The following TMEM132B variants were observed in gnomAD, a reference collection of about 807,000 sequenced individuals.
TMEM132B encodes the protein transmembrane protein 132B.
A neutral mutation model predicts 90.8 loss-of-function variants in TMEM132B; 18 were observed. The ratio of observed to expected loss-of-function variants is 0.20; its 90% CI spans 0.14 to 0.29. The LOEUF is 0.29. TMEM132B is among the 10% of genes least tolerant of loss of function. TMEM132B has a pLI of 1.00. For missense variants in TMEM132B, 1,096 were observed against 1,326.8 expected (o/e 0.83, Z 2.70); for synonymous variants, 504 against 523.3 (o/e 0.96, Z 0.50).
chr12:125,206,501 G>C (rs1043660533), intron 1 of TMEM132B, among the ~76,000 whole-genome samples: 1 of 152,138 alleles, frequency 6.6e-6, no homozygotes, highest in Non-Finnish European at 1.5e-5. Flanking sequence ...GCCTCCCAAA[G>C]TGTCGGGATT....
chr12:125,519,907 G>A (rs1445644725), intron 4 of TMEM132B, among the ~76,000 whole-genome samples: 1 of 152,136 alleles, frequency 6.6e-6, no homozygotes, highest in Non-Finnish European at 1.5e-5. Flanking sequence ...ACTGAGTGCT[G>A]CGCTGAGTGA....
intron 3 of TMEM132B, among the ~76,000 whole-genome samples, chr12:125,453,633 A>G (rs1416516592): frequency 6.6e-6 from 1 of 152,188 alleles, no homozygotes; most frequent in Non-Finnish European, 1.5e-5. Context: ...TTATTTCCTA[A>G]ATGCCAATTA....
At chr12:125,340,640 G>A (rs1877152212) in intron 1 of TMEM132B, among the ~76,000 whole-genome samples, 1 of 152,178 alleles carries the variant, frequency 6.6e-6, no homozygotes, top group Admixed American at 6.5e-5. Flanking sequence ...GTAATCTCAA[G>A]TGCTCTGCCA....
chr12:125,190,687 T>C (rs1434632576), intron 1 of TMEM132B, among the ~76,000 whole-genome samples: 1 of 4,542 alleles, frequency 2.2e-4, no homozygotes, highest in African/African-American at 1.0e-3. Flanking sequence ...GGGGAAGGGG[T>C]GGTGATGGTG....
At chr12:125,564,674 C>T (rs146420534) in intron 4 of TMEM132B, among the ~76,000 whole-genome samples, 95 of 152,294 alleles carry the variant, frequency 6.2e-4, no homozygotes, top group African/African-American at 2.2e-3. Flanking sequence ...TTTTCCTCCT[C>T]CTAATTCACC....
intron 5 of TMEM132B, among the ~76,000 whole-genome samples, chr12:125,619,862 A>C (rs779579652): frequency 1.3e-5 from 2 of 152,230 alleles, no homozygotes; most frequent in Non-Finnish European, 2.9e-5. Context: ...GTGAAAGGAA[A>C]GGGAGGCTTC....
chr12:125,637,762 T>C (rs1359640717), intron 5 of TMEM132B, among the ~76,000 whole-genome samples: 1 of 151,746 alleles, frequency 6.6e-6, no homozygotes, highest in Non-Finnish European at 1.5e-5. Context: ...ACATAAAGAG[T>C]GCATGTTGTG....
chr12:125,361,755 G>T (rs535672555), intron 2 of TMEM132B, among the ~76,000 whole-genome samples: 17 of 152,342 alleles, frequency 1.1e-4, no homozygotes, highest in African/African-American at 4.1e-4. Flanking sequence ...AGAACATGGT[G>T]CTTACCCCCC....
intron 1 of TMEM132B, among the ~76,000 whole-genome samples, chr12:125,208,592 G>C (rs1873239943): frequency 6.6e-6 from 1 of 152,132 alleles, no homozygotes; most frequent in African/African-American, 2.4e-5. Flanking sequence ...AACATTTCGA[G>C]GTTTATCTCT....
At chr12:125,399,513 G>T (rs1879255755) in intron 2 of TMEM132B, among the ~76,000 whole-genome samples, 1 of 146,240 alleles carries the variant, frequency 6.8e-6, no homozygotes, top group Non-Finnish European at 1.5e-5. Context: ...GTGTGTGTGT[G>T]TGTGTATTGA....
At chr12:125,635,305 C>T (rs945167280) in intron 5 of TMEM132B, among the ~76,000 whole-genome samples, 3 of 152,140 alleles carry the variant, frequency 2.0e-5, no homozygotes, top group Non-Finnish European at 2.9e-5. Context: ...GCCCCCACCC[C>T]CAACAGGCCC....
At chr12:125,452,311 C>T (rs1228890113) in intron 3 of TMEM132B, among the ~76,000 whole-genome samples, 2 of 150,518 alleles carry the variant, frequency 1.3e-5, no homozygotes, top group African/African-American at 2.5e-5. Flanking sequence ...GCAAAAGTCT[C>T]CCAACTTGAT....
At chr12:125,362,691 AC>A (rs1566013802) in intron 2 of TMEM132B, among the ~76,000 whole-genome samples, 1 of 152,206 alleles carries the variant, frequency 6.6e-6, no homozygotes, top group Non-Finnish European at 1.5e-5. Flanking sequence ...TCCTTTAGGT[AC>A]CTCATAGAAT....
At chr12:125,314,995 T>G (rs3847937) in intron 1 of TMEM132B, among the ~76,000 whole-genome samples, 71,602 of 151,984 alleles carry the variant, frequency 0.47, 17,085 homozygotes, top group South Asian at 0.6. Context: ...CCAGGTTTAT[T>G]TAGTGCTCTG....
intron 1 of TMEM132B, among the ~76,000 whole-genome samples, chr12:125,259,600 G>A (rs1874514993): frequency 6.6e-5 from 10 of 152,226 alleles, no homozygotes; most frequent in Admixed American, 5.9e-4. Context: ...CTAAGAATTG[G>A]GAGGGAACCC....
At chr12:125,328,830 G>T (rs1876673691) in intron 1 of TMEM132B, among the ~76,000 whole-genome samples, 1 of 152,126 alleles carries the variant, frequency 6.6e-6, no homozygotes, top group East Asian at 1.9e-4. Flanking sequence ...CGGTACATGT[G>T]CCCTCATGAC....
At chr12:125,612,700 G>A (rs981622392) in intron 5 of TMEM132B, among the ~76,000 whole-genome samples, 9 of 142,950 alleles carry the variant, frequency 6.3e-5, no homozygotes, top group African/African-American at 2.0e-4. Flanking sequence ...TTATGTTTAT[G>A]TAGCCACTCT....
At chr12:125,328,986 C>A (rs73424703) in intron 1 of TMEM132B, among the ~76,000 whole-genome samples, 4,343 of 152,136 alleles carry the variant, frequency 0.029, 204 homozygotes, top group African/African-American at 0.099. Flanking sequence ...CTGAATGAAC[C>A]CTGTTATGGA....
intron 3 of TMEM132B, among the ~76,000 whole-genome samples, chr12:125,503,930 A>AT (rs1437351966): frequency 6.6e-6 from 1 of 152,162 alleles, no homozygotes; most frequent in Non-Finnish European, 1.5e-5. Flanking sequence ...CATGCACATA[A>AT]TTTTTTCTAT....
Sources: allele counts gnomAD v4.1 joint callset (sites outside exome capture counted in the v4.1 genomes callset), GRCh38; gene constraint gnomAD v4.1.1; transcripts MANE v1.5; gene names NCBI Gene and HGNC (gene_info 2026-07-23, HGNC 2026-07-21).